The following ASAP1 variants were observed in gnomAD, a reference collection of about 807,000 sequenced individuals.
ASAP1 encodes ArfGAP with SH3 domain, ankyrin repeat and PH domain 1, also known as arf-GAP with SH3 domain, ANK repeat and PH domain-containing protein 1.
Under a neutral mutation model 145.2 loss-of-function variants are expected in ASAP1, and 43 were observed. The observed-to-expected ratio is 0.30, with a 90% CI of 0.23 to 0.38. The LOEUF is 0.38. ASAP1 is among the 10% of genes least tolerant of loss of function. The pLI, the probability that ASAP1 is intolerant of heterozygous loss-of-function variation, is 1.00. For synonymous variants in ASAP1, 546 were observed against 515.5 expected, an observed-to-expected ratio of 1.06 and a Z score of -0.80; for missense variants, 1,018 against 1,355.3, an observed-to-expected ratio of 0.75 and a Z score of 3.91.
chr8:130,288,905 G>C (rs1821779217), intron 3 of ASAP1, among the ~76,000 whole-genome samples: 1 of 152,218 alleles, frequency 6.6e-6, no homozygotes, highest in Admixed American at 6.5e-5. Flanking sequence ...TACTTACCAA[G>C]GCTGGGCGCG....
rs1565142537 is a variant in ASAP1 at position 130,256,751 on chromosome 8, A to ATATATATATATATATATATCCT, written c.187-19758_187-19757insAGGATATATATATATATATATA. Among the ~76,000 whole-genome samples the ATATATATATATATATATATCCT allele has an allele frequency of 2.5e-4, 10 of 40,796 alleles. No individual in the cohort carries two copies. In the East Asian group the frequency reaches 4.9e-3, roughly 20 times the overall value. The allele number at this position is 40,796 out of a possible 152,430, so 26.8% of individuals were successfully genotyped here. A position where few individuals can be genotyped will look rare whatever the true frequency, so the allele number is the denominator to read the frequency against. ...AATATACACATTCTTATATATATAT[A>ATATATATATATATATATATCCT]TATATATATATATATATATATATAT... On this transcript the variant is annotated intron_variant, in intron 3 of 29. Coordinates refer to ENST00000518721, the MANE Select transcript of ASAP1 (RefSeq NM_018482.4).
chr8:130,160,293 A>T (rs1372612930), intron 11 of ASAP1, among the ~76,000 whole-genome samples: 2 of 152,216 alleles, frequency 1.3e-5, no homozygotes, highest in African/African-American at 2.4e-5. Context: ...CTAGCGGCAG[A>T]GGCAAACACA....
chr8:130,349,269 C>T (rs986602053), intron 3 of ASAP1, among the ~76,000 whole-genome samples: 3 of 152,148 alleles, frequency 2.0e-5, no homozygotes, highest in African/African-American at 4.8e-5. Flanking sequence ...CTCCCCAGTC[C>T]GGGTCCCTGA....
At chr8:130,295,639 C>T (rs1469105827) in intron 3 of ASAP1, among the ~76,000 whole-genome samples, 1 of 152,190 alleles carries the variant, frequency 6.6e-6, no homozygotes, top group Non-Finnish European at 1.5e-5. Flanking sequence ...AACCCAGGAG[C>T]AGAAAAGCTT....
At chr8:130,084,803 AC>A (rs904544345) in intron 25 of ASAP1, 6 of 147,862 alleles carry the variant, frequency 4.1e-5, no homozygotes, top group African/African-American at 1.6e-4. Context: ...AAACAAAAAA[AC>A]AAAGGAAAAG....
intron 13 of ASAP1, among the ~76,000 whole-genome samples, chr8:130,150,593 C>T (rs749015935): frequency 9.9e-5 from 15 of 152,272 alleles, no homozygotes; most frequent in Middle Eastern, 6.8e-3. Context: ...TGCATGGTAA[C>T]GCTGGCCAGG....
intron 3 of ASAP1, among the ~76,000 whole-genome samples, chr8:130,284,428 C>G (rs1348855371): frequency 6.6e-6 from 1 of 151,064 alleles, no homozygotes; most frequent in African/African-American, 2.4e-5. Flanking sequence ...AAACGGGAGT[C>G]AAATTGTAGT....
intron 3 of ASAP1, among the ~76,000 whole-genome samples, chr8:130,310,145 G>C (rs911848341): frequency 1.4e-5 from 2 of 146,292 alleles, no homozygotes; most frequent in African/African-American, 5.0e-5. Context: ...TTTTGGGGGG[G>C]GGAGGGGGGT....
chr8:130,269,084 T>C (rs531374474), intron 3 of ASAP1, among the ~76,000 whole-genome samples: 2 of 152,348 alleles, frequency 1.3e-5, no homozygotes, highest in South Asian at 2.1e-4. Flanking sequence ...ATTTCTGTTT[T>C]AGACTTTTAA....
At chr8:130,354,376 G>A (rs1826181273) in intron 3 of ASAP1, among the ~76,000 whole-genome samples, 1 of 152,146 alleles carries the variant, frequency 6.6e-6, no homozygotes, top group Non-Finnish European at 1.5e-5. Flanking sequence ...GGCCTGGTAT[G>A]GAGCAGCTGC....
chr8:130,299,940 A>G (rs1350704977), intron 3 of ASAP1, among the ~76,000 whole-genome samples: 1 of 152,112 alleles, frequency 6.6e-6, no homozygotes, highest in Non-Finnish European at 1.5e-5. Context: ...GGACTGGAAA[A>G]CCACTAAGGG....
chr8:130,091,685 T>A (rs1015128117), intron 25 of ASAP1, among the ~76,000 whole-genome samples: 5 of 152,232 alleles, frequency 3.3e-5, no homozygotes, highest in African/African-American at 1.2e-4. Flanking sequence ...CTCTGTTTCC[T>A]TATATATAAA....
At chr8:130,306,778 T>C (rs969687424) in intron 3 of ASAP1, among the ~76,000 whole-genome samples, 2 of 152,250 alleles carry the variant, frequency 1.3e-5, no homozygotes, top group African/African-American at 4.8e-5. Context: ...GCTCGGACCA[T>C]GTAACTTAAC....
chr8:130,426,177 TAA>T (rs1305631220), intron 1 of ASAP1, among the ~76,000 whole-genome samples: 3 of 152,118 alleles, frequency 2.0e-5, no homozygotes, highest in African/African-American at 4.8e-5. Context: ...TCCGCTTGTT[TAA>T]AAGTGTGTGA....
intron 1 of ASAP1, among the ~76,000 whole-genome samples, chr8:130,414,281 TA>T (rs1829385232): frequency 1.3e-5 from 2 of 152,218 alleles, no homozygotes; most frequent in African/African-American, 4.8e-5. Flanking sequence ...AATTTTAAGA[TA>T]ATAAATGTGT....
chr8:130,430,790 A>C (rs1565310588), intron 1 of ASAP1, among the ~76,000 whole-genome samples: 2 of 152,186 alleles, frequency 1.3e-5, no homozygotes, highest in Non-Finnish European at 2.9e-5. Context: ...GCAAGAAAGA[A>C]AGACAATGAG....
intron 12 of ASAP1, among the ~76,000 whole-genome samples, chr8:130,154,619 T>C (rs2097654180): frequency 6.6e-6 from 1 of 152,208 alleles, no homozygotes; most frequent in Non-Finnish European, 1.5e-5. Context: ...TATGTTTTTC[T>C]TTTCCTTCTT....
chr8:130,160,039 G>T, intron 11 of ASAP1, 75 bp from the exon 12 acceptor site: 1 of 1,292,108 alleles, frequency 7.7e-7, no homozygotes, highest in Non-Finnish European at 1.1e-6. Context: ...CTGCCATTGA[G>T]CCTTTGGCAC....
rs769177787 is a variant in ASAP1 at position 130,076,421 on chromosome 8, A to G, written c.2643-15T>C. 6.3e-7 allele frequency: 1 copy of G among 1,593,220 alleles called. No homozygotes were observed. Among genetic ancestry groups the G allele is most frequent in the African/African-American group, 1.3e-5 (1 of 74,406 alleles). ...CAGAACTGGTGCTAATCAACAAATAAGAATCATTTAGGATCTAAAAGTGCT... is the reference window on the plus strand; with the variant it reads ...CAGAACTGGTGCTAATCAACAAATAGGAATCATTTAGGATCTAAAAGTGCT... On this transcript the variant is annotated splice_polypyrimidine_tract_variant and intron_variant, in intron 26 of 29. Coordinates refer to ENST00000518721, the MANE Select transcript of ASAP1 (RefSeq NM_018482.4).
Sources: allele counts gnomAD v4.1 joint callset (sites outside exome capture counted in the v4.1 genomes callset), GRCh38; gene constraint gnomAD v4.1.1; transcripts MANE v1.5; gene names NCBI Gene and HGNC (gene_info 2026-07-23, HGNC 2026-07-21).